Variants in RBL2 observed in about 807,000 individuals in gnomAD.
RBL2 encodes RB transcriptional corepressor like 2.
Under a neutral mutation model 126.0 loss-of-function variants are expected in RBL2, and 56 were observed. The ratio of observed to expected loss-of-function variants is 0.44; its 90% CI spans 0.36 to 0.56. The LOEUF is 0.56. Ranked by LOEUF, RBL2 falls within the 20% of genes least tolerant of loss-of-function variation. RBL2 has a pLI of 0.00. For missense variants in RBL2, 1,229 were observed against 1,398.2 expected (o/e 0.88, Z 1.93); for synonymous variants, 454 against 478.5 (o/e 0.95, Z 0.67).
At chr16:53,452,491 C>G (rs1275476545) in intron 5 of RBL2, among the ~76,000 whole-genome samples, 1 of 152,090 alleles carries the variant, frequency 6.6e-6, no homozygotes, top group East Asian at 1.9e-4. Context: ...GTTAAAATTT[C>G]AGCTTGTCTA....
chr16:53,485,003 A>AT (rs1400144575), intron 21 of RBL2, among the ~76,000 whole-genome samples: 1 of 113,818 alleles, frequency 8.8e-6, no homozygotes, highest in Non-Finnish European at 2.2e-5. Context: ...ATAACCCTAA[A>AT]TAAAAAAAAA....
At chr16:53,480,873 T>G in intron 20 of RBL2, 104 bp downstream of exon 20, 2 of 1,205,768 alleles carry the variant, frequency 1.7e-6, no homozygotes, top group Non-Finnish European at 2.3e-6. Flanking sequence ...TATAAACTAG[T>G]TTTGGCCAGG....
rs573741698 is a variant in RBL2 at position 53,472,586 on chromosome 16, T to A, written c.2703+1664T>A. ...ATATCTTTAAATCCTTTGCCCATTT[T>A]AAAATTATGTTATTATTGAGTTGTT... is the stretch of plus-strand genomic sequence containing the variant. On this transcript the variant is annotated intron_variant, in intron 17 of 21. Coordinates refer to ENST00000262133, the MANE Select transcript of RBL2 (RefSeq NM_005611.4). Among the ~76,000 whole-genome samples the A allele has an allele frequency of 1.4e-3, 208 of 152,366 alleles. 1 individual carries two copies. The highest frequency in any genetic ancestry group is 3.4e-3 in the Middle Eastern group (1 of 294).
chr16:53,435,730 C>G (rs1193256509), intron 1 of RBL2: 1 of 1,288,222 alleles, frequency 7.8e-7, no homozygotes, highest in Non-Finnish European at 1.0e-6. Flanking sequence ...GTCCAGGATG[C>G]AAAGCCTAAC....
chr16:53,468,314 G>A (rs2058289750), intron 14 of RBL2, among the ~76,000 whole-genome samples: 3 of 152,090 alleles, frequency 2.0e-5, no homozygotes, highest in South Asian at 2.1e-4. Flanking sequence ...CTAGTGGGGA[G>A]GATCACTTGA....
At chr16:53,464,095 A>G (rs1299532223) in intron 11 of RBL2, 131 bp from the exon 12 acceptor site, 2 of 639,706 alleles carry the variant, frequency 3.1e-6, no homozygotes, top group African/African-American at 3.8e-5. Context: ...GTTTTGTAAG[A>G]AAATAAGGAC....
chr16:53,453,780 CT>C lies in RBL2; in HGVS notation c.992+12del. 1.3e-6 allele frequency: 2 copies of C among 1,574,718 alleles called. No homozygotes were observed. The highest frequency in any genetic ancestry group is 1.7e-6 in the Non-Finnish European group (2 of 1,156,040). ...CTTTGGAGAGAGTTTGTGAGTACTT[CT>C]GTATAAAATGTTTTAATATTTTAAA... On this transcript the variant is annotated intron_variant, in intron 7 of 21. Transcript: ENST00000262133.
chr16:53,452,434 ATAT>A (rs1463219496), intron 5 of RBL2, among the ~76,000 whole-genome samples: 1 of 152,198 alleles, frequency 6.6e-6, no homozygotes, highest in Admixed American at 6.5e-5. Context: ...TATTTGAGTA[ATAT>A]TGTAATAGGA....
chr16:53,439,398 T>C (rs2057992486), intron 2 of RBL2, among the ~76,000 whole-genome samples: 2 of 152,224 alleles, frequency 1.3e-5, no homozygotes, highest in East Asian at 1.9e-4. Context: ...AATTTATTTT[T>C]AAAGTTTAGG....
chr16:53,467,064 C>T lies in RBL2; in HGVS notation c.1870C>T (p.Pro624Ser), dbSNP rs868179020. ...TGTAACCAATTCTTCATAGGTCATG[C>T]CACCTCAGAACCTGGAAAGGGCAGA... Reference protein sequence around the residue: ...NRVPTCEEVMPPQNLERADEI... With the variant: ...NRVPTCEEVMSPQNLERADEI... Residue 624 changes from proline to serine, a missense_variant, in exon 14 of 22, where the codon CCA becomes TCA. Around this residue, in one of 2 missense-constraint regions of RBL2, gnomAD observed 1,070 missense variants for 1,274.3 expected, o/e 0.84. Coordinates refer to ENST00000262133, the MANE Select transcript of RBL2 (RefSeq NM_005611.4). 6.2e-7 allele frequency: 1 copy of T among 1,613,170 alleles called. No homozygotes were observed. Among genetic ancestry groups the T allele is most frequent in the South Asian group, 1.1e-5 (1 of 91,012 alleles).
chr16:53,489,700 G>A (rs1225675246), intron 21 of RBL2: 1 of 152,556 alleles, frequency 6.6e-6, no homozygotes, highest in East Asian at 1.9e-4. Context: ...TCCCAGTTGA[G>A]AATGGCTGCT....
intron 8 of RBL2, among the ~76,000 whole-genome samples, chr16:53,456,149 C>T (rs1263235800): frequency 1.3e-5 from 2 of 151,494 alleles, no homozygotes; most frequent in African/African-American, 4.9e-5. Flanking sequence ...GCCCTCCAGC[C>T]TGGGTGACAG....
chr16:53,438,971 A>G (rs1179816683), intron 1 of RBL2, 45 bp from the exon 2 acceptor site: 1 of 1,316,260 alleles, frequency 7.6e-7, no homozygotes. Context: ...TGAAATATTT[A>G]TATGTAGCTT....
In RBL2 at chr16:53,451,919, A is replaced by G. The variant is rs533781352; in HGVS notation, c.766+88A>G. ...GTTGTACAGGTTTCCTAGCATCAGT[A>G]TTTTGAAGAGCTCCTGTCATTACGG... On this transcript the variant is annotated intron_variant, in intron 5 of 21. Coordinates refer to ENST00000262133, the MANE Select transcript of RBL2 (RefSeq NM_005611.4). 14 of 1,438,562 alleles carry G rather than the reference A, an allele frequency of 9.7e-6. No homozygotes were observed. In the African/African-American group the frequency reaches 1.3e-4, roughly 13 times the overall value. 89.1% of individuals were successfully genotyped at this position (1,438,562 alleles called of 1,614,324 possible).
intron 8 of RBL2, among the ~76,000 whole-genome samples, chr16:53,456,420 A>G (rs1157856246): frequency 2.0e-5 from 3 of 152,186 alleles, no homozygotes; most frequent in African/African-American, 7.2e-5. Context: ...GATTCTGGCA[A>G]TAGTTTATGG....
chr16:53,486,233 C>T (rs1194497199), intron 21 of RBL2, among the ~76,000 whole-genome samples: 1 of 151,788 alleles, frequency 6.6e-6, no homozygotes, highest in Non-Finnish European at 1.5e-5. Context: ...CCTGCGTGGT[C>T]AAGGCTGCAG....
At chr16:53,479,358 A>C in intron 18 of RBL2, 133 bp downstream of exon 18, 1 of 691,568 alleles carries the variant, frequency 1.4e-6, no homozygotes, top group South Asian at 1.9e-5. Flanking sequence ...GGAAGTTTCT[A>C]CTTTAATCTT....
intron 7 of RBL2, chr16:53,454,205 TG>T (rs754490866): frequency 8.8e-6 from 4 of 452,446 alleles, no homozygotes; most frequent in South Asian, 6.4e-5. Flanking sequence ...ATCCAGTTTT[TG>T]TTTTGTTTTG....
intron 17 of RBL2, among the ~76,000 whole-genome samples, chr16:53,471,177 T>A (rs1232472791): frequency 6.6e-6 from 1 of 152,258 alleles, no homozygotes; most frequent in East Asian, 1.9e-4. Flanking sequence ...GTTTCTACTT[T>A]TGGCATATAT....
Sources: allele counts gnomAD v4.1 joint callset (sites outside exome capture counted in the v4.1 genomes callset), GRCh38; gene constraint gnomAD v4.1.1; regional missense constraint gnomAD v4.1.1; transcripts MANE v1.5; gene names NCBI Gene and HGNC (gene_info 2026-07-23, HGNC 2026-07-21).